DNAJC1: variants seen among roughly 807,000 people sequenced by gnomAD.
The protein encoded by DNAJC1 is DnaJ heat shock protein family (Hsp40) member C1.
DNAJC1 carries 58 observed loss-of-function variants against 76.6 expected under a neutral mutation model. The observed-to-expected ratio is 0.76, with a 90% CI of 0.61 to 0.94. The LOEUF (loss-of-function observed/expected upper bound fraction) is 0.94, where lower values mean the gene tolerates loss of function less well. Among genes scored for constraint, DNAJC1 ranks in the 40% least tolerant of loss-of-function variants. DNAJC1 has a pLI of 0.00. For synonymous variants in DNAJC1, 258 were observed against 267.9 expected (o/e 0.96, Z 0.36); for missense variants, 689 against 677.3 (o/e 1.02, Z -0.19).
At chr10:21,872,096 C>T (rs11012810) in intron 8 of DNAJC1, among the ~76,000 whole-genome samples, 7,317 of 141,056 alleles carry the variant, frequency 0.052, 633 homozygotes, top group African/African-American at 0.18. Context: ...TTTTTGGAGA[C>T]GGAGTCTCAC....
chr10:21,834,146 C>T (rs1835411058), intron 8 of DNAJC1, among the ~76,000 whole-genome samples: 1 of 152,052 alleles, frequency 6.6e-6, no homozygotes. Context: ...CGCCTGTAGT[C>T]CCAGCTACTC....
chr10:21,828,100 C>T (rs1302341392), intron 8 of DNAJC1, among the ~76,000 whole-genome samples: 1 of 152,210 alleles, frequency 6.6e-6, no homozygotes, highest in East Asian at 1.9e-4. Context: ...TTGCCAACAT[C>T]TAATTTTGAC....
At chr10:21,812,689 C>T (rs925074748) in intron 8 of DNAJC1, among the ~76,000 whole-genome samples, 2 of 152,004 alleles carry the variant, frequency 1.3e-5, no homozygotes, top group African/African-American at 4.8e-5. Flanking sequence ...GCCTTGGCCT[C>T]CGCAGACATG....
intron 8 of DNAJC1, among the ~76,000 whole-genome samples, chr10:21,853,787 C>CA (rs1011936425): frequency 0.22 from 2,697 of 12,528 alleles, 637 homozygotes; most frequent in African/African-American, 0.25. Context: ...GACTCCATCT[C>CA]AAAAAAAAAA....
intron 1 of DNAJC1, among the ~76,000 whole-genome samples, chr10:21,965,368 A>C (rs1802052426): frequency 6.6e-6 from 1 of 152,188 alleles, no homozygotes; most frequent in African/African-American, 2.4e-5. Flanking sequence ...AGCTTTCCTG[A>C]AACTTAACCA....
chr10:21,821,217 A>G (rs1835153781), intron 8 of DNAJC1, among the ~76,000 whole-genome samples: 1 of 152,144 alleles, frequency 6.6e-6, no homozygotes, highest in Non-Finnish European at 1.5e-5. Flanking sequence ...GGAGGGCAGG[A>G]GGTCAGAGAG....
At chr10:21,938,113 T>C (rs1333814677) in intron 1 of DNAJC1, among the ~76,000 whole-genome samples, 2 of 152,166 alleles carry the variant, frequency 1.3e-5, no homozygotes, top group African/African-American at 4.8e-5. Flanking sequence ...TTTGGATTCA[T>C]TCCTTCTGGA....
chr10:21,820,662 T>A lies in DNAJC1; in HGVS notation c.979-14563A>T, dbSNP rs556970130. ...GGACTCTGGGCCCAGTCCCCAGGAG[T>A]TCCCCCCAGACCCTCCAACCCGATG... On this transcript the variant is annotated intron_variant, in intron 8 of 11. Coordinates refer to ENST00000376980, the MANE Select transcript of DNAJC1 (RefSeq NM_022365.4). Among the ~76,000 whole-genome samples, 6 of 151,928 alleles carry A rather than the reference T, an allele frequency of 3.9e-5. No homozygotes were observed. In the East Asian group the frequency reaches 5.8e-4, roughly 15 times the overall value.
At chr10:21,850,255 T>A (rs1835730870) in intron 8 of DNAJC1, among the ~76,000 whole-genome samples, 1 of 152,090 alleles carries the variant, frequency 6.6e-6, no homozygotes, top group South Asian at 2.1e-4. Context: ...AATTAACAAA[T>A]TCAGTAACAT....
At chr10:21,934,570 AC>A (rs966417927) in intron 1 of DNAJC1, among the ~76,000 whole-genome samples, 2 of 152,240 alleles carry the variant, frequency 1.3e-5, no homozygotes, top group African/African-American at 4.8e-5. Context: ...TACATTTTGT[AC>A]CTATTATACT....
chr10:21,844,232 C>G (rs925559192), intron 8 of DNAJC1, among the ~76,000 whole-genome samples: 1 of 152,010 alleles, frequency 6.6e-6, no homozygotes, highest in Non-Finnish European at 1.5e-5. Flanking sequence ...TCCCGAGTAG[C>G]TGGGATTACA....
chr10:21,903,586 C>T (rs936080763), intron 7 of DNAJC1, among the ~76,000 whole-genome samples: 11 of 152,206 alleles, frequency 7.2e-5, no homozygotes, highest in Non-Finnish European at 1.5e-4. Context: ...TGAATTCATA[C>T]ATCTATCCAT....
chr10:21,766,360 T>A (rs1382408625), intron 9 of DNAJC1, 51 bp from the exon 10 acceptor site: 2 of 1,408,212 alleles, frequency 1.4e-6, no homozygotes, highest in Non-Finnish European at 2.0e-6. Flanking sequence ...ACCTACTATA[T>A]GCTGAGTGAA....
At chr10:21,840,410 G>A (rs1390187350) in intron 8 of DNAJC1, among the ~76,000 whole-genome samples, 2 of 152,126 alleles carry the variant, frequency 1.3e-5, no homozygotes, top group Non-Finnish European at 2.9e-5. Flanking sequence ...AAAGTCTCAG[G>A]ATACAAAATC....
chr10:22,003,290 C>T lies in DNAJC1; in HGVS notation c.145G>A (p.Glu49Lys). 2.0e-6 allele frequency: 3 copies of T among 1,536,046 alleles called. No individual in the cohort carries two copies. Among genetic ancestry groups the T allele is most frequent in the Non-Finnish European group, 2.6e-6 (3 of 1,143,140 alleles). Residue 49 changes from glutamate (E) to lysine (K), a missense_variant, in exon 1 of 12, where the codon GAG becomes AAG. By Grantham distance (56) the Glu-to-Lys change is moderately conservative. Transcript: ENST00000376980. ...LAAVAPARGWESGDLELFDLV... is the reference protein window; with the variant it reads ...LAAVAPARGWKSGDLELFDLV... Reference sequence around the variant, plus strand: ...TCAAACAACTCCAGGTCTCCGCTCTCCCAGCCGCGCGCCGGCGCCACGGCG... The same window carrying T: ...TCAAACAACTCCAGGTCTCCGCTCTTCCAGCCGCGCGCCGGCGCCACGGCG...
intron 1 of DNAJC1, among the ~76,000 whole-genome samples, chr10:21,944,339 T>C (rs1837470857): frequency 6.6e-6 from 1 of 152,344 alleles, no homozygotes; most frequent in Admixed American, 6.5e-5. Context: ...GGATGTATCC[T>C]TATCTCCATA....
chr10:21,794,623 A>G (rs1241959249), intron 9 of DNAJC1, among the ~76,000 whole-genome samples: 1 of 152,188 alleles, frequency 6.6e-6, no homozygotes, highest in Non-Finnish European at 1.5e-5. Context: ...ACTTCTAAGA[A>G]AATGTAGGAG....
At chr10:21,861,402 T>C (rs1429772188) in intron 8 of DNAJC1, among the ~76,000 whole-genome samples, 1 of 152,156 alleles carries the variant, frequency 6.6e-6, no homozygotes, top group Non-Finnish European at 1.5e-5. Flanking sequence ...CAAATGTCAG[T>C]ATTAATATTA....
At chr10:21,842,648 T>C (rs1463499029) in intron 8 of DNAJC1, among the ~76,000 whole-genome samples, 3 of 152,124 alleles carry the variant, frequency 2.0e-5, no homozygotes, top group Admixed American at 2.0e-4. Flanking sequence ...GTCCTCAGGA[T>C]AGAATGAAAT....
Sources: allele counts gnomAD v4.1 joint callset (sites outside exome capture counted in the v4.1 genomes callset), GRCh38; gene constraint gnomAD v4.1.1; transcripts MANE v1.5; gene names NCBI Gene and HGNC (gene_info 2026-07-23, HGNC 2026-07-21).